The following RGS3 variants were observed in gnomAD, a reference collection of about 807,000 sequenced individuals.
RGS3 encodes regulator of G-protein signalling 3.
Under a neutral mutation model 132.6 loss-of-function variants are expected in RGS3, and 80 were observed. The observed-to-expected ratio is 0.60, with a 90% CI of 0.50 to 0.73. RGS3 has a LOEUF of 0.73. Among genes scored for constraint, RGS3 ranks in the 30% least tolerant of loss-of-function variants. RGS3 has a pLI of 0.00. For missense variants in RGS3, 1,382 were observed against 1,530.8 expected (o/e 0.90, Z 1.62); for synonymous variants, 598 against 620.6 (o/e 0.96, Z 0.54).
chr9:113,479,065 T>C (rs1197090013), intron 3 of RGS3: 5 of 182,354 alleles, frequency 2.7e-5, no homozygotes, highest in Non-Finnish European at 5.8e-5. Context: ...ATGAAGACTT[T>C]TAGGTGGAAG....
At chr9:113,468,940 G>C (rs12335716) in intron 3 of RGS3, among the ~76,000 whole-genome samples, 11,387 of 152,090 alleles carry the variant, frequency 0.075, 550 homozygotes, top group Non-Finnish European at 0.096. Flanking sequence ...CTAAATGTAG[G>C]CTCGAGAGGA....
At chr9:113,569,126 C>T (rs1042349172) in intron 19 of RGS3, among the ~76,000 whole-genome samples, 20 of 152,272 alleles carry the variant, frequency 1.3e-4, no homozygotes, top group South Asian at 1.2e-3. Context: ...AGGCTGCTGC[C>T]GGAGAACTGT....
intron 19 of RGS3, among the ~76,000 whole-genome samples, chr9:113,568,977 T>C (rs1472825501): frequency 5.1e-4 from 77 of 152,204 alleles, no homozygotes; most frequent in Admixed American, 5.0e-3. Flanking sequence ...TCCCAGGACA[T>C]GCTCTTCCTT....
At chr9:113,580,956 A>G in intron 19 of RGS3, 1 of 963,512 alleles carries the variant, frequency 1.0e-6, no homozygotes, top group Non-Finnish European at 1.2e-6. Context: ...CCAGGCCCTG[A>G]GGGCACCCGG....
intron 10 of RGS3, 191 bp from the exon 9 acceptor site, chr9:113,505,251 G>T: frequency 1.7e-6 from 1 of 594,446 alleles, no homozygotes. Context: ...TTCCTGCTTG[G>T]CCCACAACCC....
In RGS3 at chr9:113,514,315, G is replaced by T. The variant is rs1831543552; in HGVS notation, c.1478-143G>T. 5.6e-6 allele frequency: 4 copies of T among 716,146 alleles called. No homozygotes were observed. In the South Asian group the frequency reaches 7.5e-5, roughly 13 times the overall value. The allele number at this position is 716,146 out of a possible 1,614,324, so 44.4% of individuals were successfully genotyped here. A position where few individuals can be genotyped will look rare whatever the true frequency, so the allele number is the denominator to read the frequency against. Reference sequence around the variant, plus strand: ...CCATGTGAAGCCTCCCTGTGTTTCAGCATCGTGCGCAGGGCCTGGCACAAA... The same window carrying T: ...CCATGTGAAGCCTCCCTGTGTTTCATCATCGTGCGCAGGGCCTGGCACAAA... On this transcript the variant is annotated intron_variant, in intron 14 of 24. Transcript: ENST00000350696.
intron 19 of RGS3, among the ~76,000 whole-genome samples, chr9:113,550,090 G>A (rs1004233803): frequency 1.3e-5 from 2 of 152,220 alleles, no homozygotes; most frequent in Admixed American, 6.5e-5. Flanking sequence ...TTTGTTGGGC[G>A]CGGTGGCTCA....
chr9:113,465,439 CTGTGTGTGTGTGTGTG>C (rs3221187), intron 3 of RGS3, among the ~76,000 whole-genome samples: 8 of 135,408 alleles, frequency 5.9e-5, no homozygotes, highest in African/African-American at 1.9e-4. Flanking sequence ...ACACCTATTT[CTGTGTGTGTGTGTGTG>C]TGTGTGTGTG....
At chr9:113,450,474 G>A (rs921525207) in intron 1 of RGS3, among the ~76,000 whole-genome samples, 1 of 152,168 alleles carries the variant, frequency 6.6e-6, no homozygotes, top group African/African-American at 2.4e-5. Flanking sequence ...AGTCTAGTTG[G>A]GTAGAAAGAT....
chr9:113,578,258 G>A (rs1016206733), intron 19 of RGS3, among the ~76,000 whole-genome samples: 2 of 152,224 alleles, frequency 1.3e-5, no homozygotes, highest in African/African-American at 4.8e-5. Flanking sequence ...CTGTGCTGGA[G>A]TGACCATGGC....
At chr9:113,509,022 A>C (rs1341182894) in intron 14 of RGS3, among the ~76,000 whole-genome samples, 2 of 152,126 alleles carry the variant, frequency 1.3e-5, no homozygotes, top group Admixed American at 6.6e-5. Context: ...GTGGTGGCTC[A>C]TTCCTGTAAT....
At chr9:113,519,936 A>G (rs769059999) in intron 16 of RGS3, among the ~76,000 whole-genome samples, 9 of 152,194 alleles carry the variant, frequency 5.9e-5, no homozygotes, top group Non-Finnish European at 1.0e-4. Flanking sequence ...AATACCATGA[A>G]GCACAAGACA....
intron 10 of RGS3, among the ~76,000 whole-genome samples, chr9:113,504,425 C>T (rs1831043713): frequency 6.6e-6 from 1 of 152,206 alleles, no homozygotes; most frequent in Non-Finnish European, 1.5e-5. Context: ...GACCACCCTA[C>T]ATCCTCCTGT....
At position 113,495,787 on chromosome 9, in the gene RGS3, C is replaced by G. The variant is rs778952555; in HGVS notation, c.691C>G (p.Gln231Glu). 46 of 1,613,912 alleles carry G rather than the reference C, an allele frequency of 2.9e-5. No individual in the cohort carries two copies. The highest frequency in any genetic ancestry group is 3.6e-5 in the Non-Finnish European group (42 of 1,179,848). The change falls in exon 8 of 25, where the codon CAG (glutamine) becomes GAG (glutamate). Residue 231 changes from glutamine to glutamate, a missense_variant and splice_region_variant. Coordinates refer to ENST00000350696, the Ensembl canonical transcript of RGS3. ...CTCAAGTCTCACTTGTTCTCCCAGACAGAGTGGACTCATTGGCTGCATGAG... is the reference window on the plus strand; with the variant it reads ...CTCAAGTCTCACTTGTTCTCCCAGAGAGAGTGGACTCATTGGCTGCATGAG...
intron 8 of RGS3, among the ~76,000 whole-genome samples, chr9:113,496,869 C>A (rs2119277072): frequency 6.6e-6 from 1 of 152,252 alleles, no homozygotes; most frequent in African/African-American, 2.4e-5. Flanking sequence ...CTCTTGACTG[C>A]AGCCTTGGCT....
At chr9:113,497,854 G>T (rs528487587) in intron 9 of RGS3, among the ~76,000 whole-genome samples, 171 bp from the exon 8 acceptor site, 2 of 152,234 alleles carry the variant, frequency 1.3e-5, no homozygotes, top group East Asian at 3.9e-4. Context: ...TGCAGCCCTG[G>T]CTCCTGAGTC....
intron 19 of RGS3, among the ~76,000 whole-genome samples, chr9:113,578,383 C>A (rs1252976141): frequency 6.6e-6 from 1 of 152,176 alleles, no homozygotes; most frequent in Non-Finnish European, 1.5e-5. Context: ...TATGTTATGG[C>A]TAAGGAAACT....
At chr9:113,550,804 A>G (rs1833310999) in intron 19 of RGS3, among the ~76,000 whole-genome samples, 1 of 152,026 alleles carries the variant, frequency 6.6e-6, no homozygotes, top group South Asian at 2.1e-4. Context: ...TCTTTTGCTC[A>G]TTTTTCTATT....
rs144810021 is a variant in RGS3 at position 113,496,625 on chromosome 9, G to A, written c.751-689G>A. On this transcript the variant is annotated intron_variant, in intron 8 of 24. Coordinates refer to ENST00000350696, the Ensembl canonical transcript of RGS3. ...GAATGCAGTGTTGTGATCTTGGCTC[G>A]CTGCAACCTCCGCCTCCCAGGTTCA... Among the ~76,000 whole-genome samples, 311 of 151,586 alleles carry A rather than the reference G, an allele frequency of 2.1e-3. 5 individuals are homozygous for A. In the East Asian group the frequency reaches 0.04, roughly 20 times the overall value.
Sources: gnomAD v4.1 joint callset for allele counts (sites outside exome capture counted in the v4.1 genomes callset) on GRCh38, gnomAD v4.1.1 for gene constraint, MANE v1.5 for transcripts, NCBI Gene and HGNC (gene_info 2026-07-23, HGNC 2026-07-21) for gene names.